TENM1: variants seen among roughly 807,000 people sequenced by gnomAD.
TENM1 encodes teneurin-1.
Under a neutral mutation model 174.8 loss-of-function variants are expected in TENM1, and 35 were observed. The observed-to-expected ratio is 0.20, with a 90% CI of 0.15 to 0.27. The LOEUF (loss-of-function observed/expected upper bound fraction) is 0.27, where lower values mean the gene tolerates loss of function less well. TENM1 is among the 10% of genes least tolerant of loss of function. The pLI is 1.00. For missense variants in TENM1, 1,633 were observed against 2,130.1 expected (o/e 0.77, Z 4.59); for synonymous variants, 781 against 798.7 (o/e 0.98, Z 0.37).
chrX:124,811,732 C>G (rs768363125), intron 3 of TENM1, among the ~76,000 whole-genome samples: 36 of 111,627 alleles, frequency 3.2e-4, no homozygotes, highest in African/African-American at 1.0e-3. Flanking sequence ...CATTGCAGCA[C>G]TATTCACAAT....
At chrX:124,768,439 T>C (rs967307003) in intron 3 of TENM1, among the ~76,000 whole-genome samples, 2 of 112,041 alleles carry the variant, frequency 1.8e-5, no homozygotes, top group East Asian at 5.6e-4. Flanking sequence ...CATCTCCAGA[T>C]TCCCAGAGTG....
intron 3 of TENM1, among the ~76,000 whole-genome samples, chrX:124,762,234 C>A (rs759677541): frequency 1.8e-5 from 2 of 111,954 alleles, no homozygotes; most frequent in Non-Finnish European, 3.8e-5. Flanking sequence ...CCCAAAGGCC[C>A]AATTGCTAAA....
At chrX:124,776,206 C>T (rs1433998241) in intron 3 of TENM1, among the ~76,000 whole-genome samples, 3 of 111,636 alleles carry the variant, frequency 2.7e-5, no homozygotes, top group African/African-American at 6.5e-5. Context: ...CCACTACAGA[C>T]CCTTGCTGAA....
At chrX:124,754,451 T>C (rs976354659) in intron 3 of TENM1, among the ~76,000 whole-genome samples, 1 of 111,695 alleles carries the variant, frequency 9.0e-6, no homozygotes, top group Non-Finnish European at 1.9e-5. Flanking sequence ...CCTGGATTCA[T>C]TAACTTTTTG....
intron 3 of TENM1, among the ~76,000 whole-genome samples, chrX:124,845,699 A>C (rs1258500785): frequency 2.7e-5 from 3 of 110,381 alleles, no homozygotes; most frequent in Non-Finnish European, 5.7e-5. Context: ...AGGAAAATAC[A>C]CCAGGACTTA....
chrX:125,067,376 T>C, the TENM1 span, among the ~76,000 whole-genome samples: 28 of 110,998 alleles, frequency 2.5e-4, 2 homozygotes, highest in South Asian at 0.01. Flanking sequence ...TTCACTTTAC[T>C]ACATTGGAGC....
At chrX:124,843,363 CTTG>C (rs1023680746) in intron 3 of TENM1, among the ~76,000 whole-genome samples, 4 of 111,729 alleles carry the variant, frequency 3.6e-5, no homozygotes, top group African/African-American at 9.7e-5. Flanking sequence ...TCTAGAGCCA[CTTG>C]TTGTTACTGC....
Position 124,903,232 on chromosome X carries a change from T to C in TENM1, c.218-6991A>G, listed in dbSNP as rs899321867. On this transcript the variant is annotated intron_variant, in intron 1 of 31. Coordinates refer to ENST00000422452, the Ensembl canonical transcript of TENM1. ...CCATCTGTCAGTATACGGAAAAGCA[T>C]GGCAACAAATCTGGGCAGAGTTAAA... 7.1e-5 allele frequency among the ~76,000 whole-genome samples: 8 copies of C among 111,982 alleles called. No homozygotes were observed. The Admixed American group carries it at 7.6e-4, about 11-fold the overall frequency.
the TENM1 span, among the ~76,000 whole-genome samples, chrX:125,012,328 G>A: frequency 1.8e-5 from 2 of 111,609 alleles, no homozygotes; most frequent in Admixed American, 9.5e-5. Flanking sequence ...TTCTGCACAT[G>A]TATCCTGGAA....
At chrX:124,415,322 T>G (rs112513294) in intron 25 of TENM1, among the ~76,000 whole-genome samples, 1 of 112,157 alleles carries the variant, frequency 8.9e-6, no homozygotes, top group East Asian at 2.8e-4. Context: ...AAGAGGTACC[T>G]TCTCCTTTCA....
intron 3 of TENM1, among the ~76,000 whole-genome samples, chrX:124,831,100 C>T (rs935591285): frequency 1.8e-5 from 2 of 111,554 alleles, no homozygotes; most frequent in East Asian, 5.7e-4. Context: ...AACACTCTCA[C>T]GACTTTATTT....
chrX:124,736,870 T>C, intron 4 of TENM1, 87 bp downstream of exon 7: 2 of 1,082,559 alleles, frequency 1.8e-6, no homozygotes, highest in South Asian at 2.2e-5. Flanking sequence ...TCTCTGCAGA[T>C]GTGTGTGATG....
chrX:124,526,020 C>T (rs758143984), intron 16 of TENM1, among the ~76,000 whole-genome samples: 1 of 111,936 alleles, frequency 8.9e-6, no homozygotes, highest in Admixed American at 9.5e-5. Flanking sequence ...TTTAAGGTCT[C>T]CTTGGGACTT....
intron 11 of TENM1, among the ~76,000 whole-genome samples, chrX:124,601,779 T>C (rs1047974029): frequency 1.8e-5 from 2 of 110,319 alleles, no homozygotes; most frequent in African/African-American, 6.6e-5. Context: ...AATTCATTGT[T>C]TGAGGCTTTT....
intron 3 of TENM1, among the ~76,000 whole-genome samples, chrX:124,889,315 TTC>T (rs1191884602): frequency 2.7e-5 from 3 of 111,378 alleles, no homozygotes; most frequent in African/African-American, 9.8e-5. Flanking sequence ...GAGAAAATTA[TTC>T]TGTCTCCTTG....
At chrX:124,658,877 A>G (rs781106869) in intron 6 of TENM1, among the ~76,000 whole-genome samples, 1 of 112,094 alleles carries the variant, frequency 8.9e-6, no homozygotes, top group East Asian at 2.8e-4. Flanking sequence ...TTGACTCTGT[A>G]TATCTGTTTT....
the TENM1 span, among the ~76,000 whole-genome samples, chrX:125,078,536 TAGTA>T: frequency 1.8e-5 from 2 of 111,432 alleles, no homozygotes; most frequent in African/African-American, 6.5e-5. Context: ...TATTAATTAT[TAGTA>T]AGAAAGTACA....
rs1157104627 is a variant in TENM1, at chrX:124,471,313, C to CTATATATAA, written c.3949+10418_3949+10419insTTATATATA. 1.9e-4 allele frequency among the ~76,000 whole-genome samples: 4 copies of CTATATATAA among 21,363 alleles called. 1 individual carries two copies. The highest frequency in any genetic ancestry group is 9.4e-4 in the African/African-American group (4 of 4,239). The allele number at this position is 21,363 out of a possible 115,157, so 18.6% of individuals were successfully genotyped here. On this transcript the variant is annotated intron_variant, in intron 22 of 31. Transcript: ENST00000422452. ...GTACTATATATTATAATATATAGTA[C>CTATATATAA]TATATATTATAATATATAGTACTAT...
At chrX:125,045,723 C>T in the TENM1 span, among the ~76,000 whole-genome samples, 2 of 111,737 alleles carry the variant, frequency 1.8e-5, no homozygotes, top group Non-Finnish European at 3.8e-5. Flanking sequence ...AGAAAATAAT[C>T]TATTTCCAAC....
Sources: allele counts gnomAD v4.1 joint callset (sites outside exome capture counted in the v4.1 genomes callset), GRCh38; gene constraint gnomAD v4.1.1; transcripts MANE v1.5; gene names NCBI Gene and HGNC (gene_info 2026-07-23, HGNC 2026-07-21).